ABCA6: variants seen among roughly 807,000 people sequenced by gnomAD.
The protein encoded by ABCA6 is ATP-binding cassette sub-family A member 6.
In ABCA6, 164 loss-of-function variants were observed where a neutral mutation model predicts 191.2. The ratio of observed to expected loss-of-function variants is 0.86; its 90% CI spans 0.76 to 0.98. The LOEUF (loss-of-function observed/expected upper bound fraction) is 0.98. Among genes scored for constraint, ABCA6 ranks in the 50% least tolerant of loss-of-function variants. The pLI is 0.00. For missense variants in ABCA6, 1,958 were observed against 1,894.1 expected (o/e 1.03, Z -0.63); for synonymous variants, 636 against 647.7 (o/e 0.98, Z 0.27).
At position 69,102,842 on chromosome 17, in the gene ABCA6, T is replaced by C; in HGVS notation, c.2867A>G (p.Lys956Arg). 1 of 1,579,380 alleles carries C rather than the reference T, an allele frequency of 6.3e-7. No individual in the cohort carries two copies. The highest frequency in any genetic ancestry group is 8.5e-7 in the Non-Finnish European group (1 of 1,169,968). Residue 956 changes from lysine to arginine, a missense_variant, in exon 21 of 39, where the codon AAA becomes AGA. Coordinates refer to ENST00000284425, the MANE Select transcript of ABCA6 (RefSeq NM_080284.3). ...GCAAAAAGGCAAACATACCTTTTGT[T>C]TACCAGAAACTATGATAGCTCCATT... ...SYNGAIIVSGKQKDYRFSVVC... is the reference protein window; with the variant it reads ...SYNGAIIVSGRQKDYRFSVVC...
intron 13 of ABCA6, among the ~76,000 whole-genome samples, chr17:69,113,962 G>A (rs2144675302): frequency 6.6e-6 from 1 of 152,194 alleles, no homozygotes; most frequent in Admixed American, 6.5e-5. Context: ...TTACACTGTT[G>A]GTGGGACTGT....
At chr17:69,107,434 C>A (rs1294151438) in intron 18 of ABCA6, among the ~76,000 whole-genome samples, 1 of 152,002 alleles carries the variant, frequency 6.6e-6, no homozygotes, top group Non-Finnish European at 1.5e-5. Context: ...CCTTTCACAG[C>A]CTGAAGGTAT....
Position 69,110,787 on chromosome 17 carries a change from C to A in ABCA6, c.2272+14G>T, listed in dbSNP as rs1287218352. The A allele has an allele frequency of 6.3e-7, 1 of 1,593,174 alleles. No individual in the cohort carries two copies. ...TTCCCATATTTCATTTCATTGTAATCATAGTTGAGTTACCTGGAAATGTAT... is the reference window on the plus strand; with the variant it reads ...TTCCCATATTTCATTTCATTGTAATAATAGTTGAGTTACCTGGAAATGTAT... On this transcript the variant is annotated intron_variant, in intron 17 of 38. Transcript: ENST00000284425.
chr17:69,083,045 A>T (rs2072681046), intron 35 of ABCA6, 32 bp from the exon 36 acceptor site: 2 of 1,606,372 alleles, frequency 1.2e-6, no homozygotes, highest in African/African-American at 2.7e-5. Context: ...TGTTGGAAAA[A>T]ATATTGCCCT....
chr17:69,122,192 T>C (rs1568027434), intron 10 of ABCA6, among the ~76,000 whole-genome samples: 1 of 152,096 alleles, frequency 6.6e-6, no homozygotes, highest in East Asian at 1.9e-4. Context: ...TCACTTTTTG[T>C]ATTCTCAAAA....
intron 6 of ABCA6, among the ~76,000 whole-genome samples, chr17:69,130,267 T>A (rs1021929128): frequency 1.3e-5 from 2 of 151,162 alleles, no homozygotes; most frequent in Non-Finnish European, 2.9e-5. Context: ...CAGTGAGCTG[T>A]GATCATGCCA....
chr17:69,136,279 A>G, intron 3 of ABCA6, 29 bp from the exon 4 acceptor site: 1 of 1,443,518 alleles, frequency 6.9e-7, no homozygotes, highest in East Asian at 2.5e-5. Flanking sequence ...AAATAGACAT[A>G]GAAAATTGTA....
intron 26 of ABCA6, 83 bp downstream of exon 26, chr17:69,091,060 C>T (rs1047956475): frequency 7.3e-5 from 104 of 1,421,912 alleles, no homozygotes; most frequent in Non-Finnish European, 9.4e-5. Flanking sequence ...AGTTCCACTA[C>T]TTTCTGTCTC....
In ABCA6 at chr17:69,134,647, T is replaced by G. The variant is rs766310936; in HGVS notation, c.556A>C (p.Ile186Leu). 2 of 1,610,634 alleles carry G rather than the reference T, an allele frequency of 1.2e-6. No homozygotes were observed. Among genetic ancestry groups the G allele is most frequent in the Non-Finnish European group, 1.7e-6 (2 of 1,178,174 alleles). The change falls in exon 5 of 39, where the codon ATT becomes CTT. Residue 186 changes from isoleucine (I) to leucine (L), a missense_variant. By Grantham distance (5) the Ile-to-Leu change is conservative. Transcript: ENST00000284425. ...TTCAATCAAGCACTTACTTCTATAA[T>G]GGCAGTATTAATAGCTGTTTGTAAA... ...VALQTAINTA[I>L]IEITTNHPVM... is the part of the protein sequence containing the mutation.
chr17:69,140,698 A>G lies in ABCA6; in HGVS notation c.6T>C (p.Asn2=), dbSNP rs1393958100. The change falls in exon 2 of 39, where the codon AAT becomes AAC. Residue 2 remains asparagine, a synonymous_variant. Coordinates refer to ENST00000284425, the MANE Select transcript of ABCA6 (RefSeq NM_080284.3). M[N]MKQKSVYQQT... ...GCTGATACACGCTTTTCTGTTTCAT[A>G]TTCATTTAGCCTATTCGCTGAAGGA... The G allele has an allele frequency of 6.3e-7, 1 of 1,592,958 alleles. No individual in the cohort carries two copies. Among genetic ancestry groups the G allele is most frequent in the Middle Eastern group, 1.7e-4 (1 of 5,988 alleles).
Position 69,084,306 on chromosome 17 carries a change from T to G in ABCA6, c.4310A>C (p.Asp1437Ala), listed in dbSNP as rs1395884911. The G allele has an allele frequency of 6.2e-7, 1 of 1,614,136 alleles. No homozygotes were observed. The highest frequency in any genetic ancestry group is 8.5e-7 in the Non-Finnish European group (1 of 1,180,002). The part of the protein sequence containing the change: ...LLGNSPVLLL[D>A]EPSTGIDPTG... ...GGGGTCTATGCCCGTAGATGGTTCA[T>G]CCAGGAGCAAGACAGGTGAGTTTCC... is the stretch of plus-strand genomic sequence containing the variant. The change falls in exon 34 of 39, where the codon GAT becomes GCT. Residue 1437 changes from aspartate (D) to alanine (A), a missense_variant. Asp to Ala is a moderately radical substitution (Grantham distance 126, BLOSUM62 -2). Transcript: ENST00000284425.
intron 17 of ABCA6, 116 bp downstream of exon 17, chr17:69,110,685 C>T: frequency 8.1e-7 from 1 of 1,235,990 alleles, no homozygotes. Flanking sequence ...AGTTCTGCTT[C>T]TCAGGTGGCC....
chr17:69,085,001 C>G (rs746661822), intron 32 of ABCA6, 27 bp downstream of exon 32: 1 of 1,571,546 alleles, frequency 6.4e-7, no homozygotes, highest in Non-Finnish European at 8.6e-7. Context: ...CATTCTGACA[C>G]AAAGGAATCG....
chr17:69,134,886 G>GTATTTTTTT, intron 4 of ABCA6, 144 bp from the exon 5 acceptor site: 8 of 127,046 alleles, frequency 6.3e-5, no homozygotes, highest in Non-Finnish European at 6.2e-5. Flanking sequence ...TGTTGTGGTT[G>GTATTTTTTT]TCTTTTTTTT....
In ABCA6 at chr17:69,084,471, A is replaced by C; in HGVS notation, c.4221T>G (p.Asn1407Lys). 1 of 1,614,200 alleles carries C rather than the reference A, an allele frequency of 6.2e-7. No homozygotes were observed. Among genetic ancestry groups the C allele is most frequent in the Non-Finnish European group, 8.5e-7 (1 of 1,180,024 alleles). Residue 1407 changes from asparagine (N) to lysine (K), a missense_variant, in exon 33 of 39, where the codon AAT becomes AAG. By Grantham distance (94) the Asn-to-Lys change is moderately conservative. Transcript: ENST00000284425. ...CTGCTGTTAATTTCTGCACAGGAAC[A>C]TTCAGCTGCTCATGCAGTTTGAAAG... Reference protein sequence around the residue: ...VSAFKLHEQLNVPVQKLTAGI... With the variant: ...VSAFKLHEQLKVPVQKLTAGI...
Position 69,096,733 on chromosome 17 carries a change from T to C in ABCA6, c.3189A>G (p.Leu1063=). The change falls in exon 24 of 39, where the codon CTA becomes CTG. Residue 1063 remains leucine, a synonymous_variant. Transcript: ENST00000284425. ...YTSAYWCGQA[L]VDVSFFILIL... is the part of the protein sequence containing the mutation. ...TTAAAATGAAGAAGCTGACGTCCAC[T>C]AGTGCCTGCCCACACCAGTAAGCAG... is the stretch of plus-strand genomic sequence containing the variant. The C allele has an allele frequency of 3.1e-6, 5 of 1,592,052 alleles. No homozygotes were observed. Among genetic ancestry groups the C allele is most frequent in the South Asian group, 1.2e-5 (1 of 86,520 alleles).
chr17:69,091,523 C>CTTT (rs1196866549), intron 25 of ABCA6, among the ~76,000 whole-genome samples: 1 of 76,390 alleles, frequency 1.3e-5, no homozygotes, highest in Non-Finnish European at 2.8e-5. Flanking sequence ...AAATAGACTT[C>CTTT]TTTTTTTTTT....
chr17:69,097,205 A>T (rs2073068996), intron 23 of ABCA6, among the ~76,000 whole-genome samples: 1 of 152,166 alleles, frequency 6.6e-6, no homozygotes, highest in African/African-American at 2.4e-5. Flanking sequence ...ATCCTGGCTA[A>T]CATGGTGAAA....
intron 10 of ABCA6, among the ~76,000 whole-genome samples, chr17:69,122,977 C>G (rs1446438559): frequency 1.5e-5 from 2 of 137,286 alleles, no homozygotes; most frequent in Non-Finnish European, 3.0e-5. Flanking sequence ...AACACATGGA[C>G]ACAGGAAGGG....
Sources: gnomAD v4.1 joint callset for allele counts (sites outside exome capture counted in the v4.1 genomes callset) on GRCh38, gnomAD v4.1.1 for gene constraint, MANE v1.5 for transcripts, NCBI Gene and HGNC (gene_info 2026-07-23, HGNC 2026-07-21) for gene names.